Variants in NELL1 observed in about 807,000 individuals in gnomAD.
The protein encoded by NELL1 is protein kinase C-binding protein NELL1.
In NELL1, 76 loss-of-function variants were observed where a neutral mutation model predicts 107.4. The ratio of observed to expected loss-of-function variants is 0.71; its 90% CI spans 0.59 to 0.86. The LOEUF (loss-of-function observed/expected upper bound fraction) is 0.86. Among genes scored for constraint, NELL1 ranks in the 40% least tolerant of loss-of-function variants. The pLI, the probability that NELL1 is intolerant of heterozygous loss-of-function variation, is 0.00. For missense variants in NELL1, 1,024 were observed against 1,005.5 expected, an observed-to-expected ratio of 1.02 and a Z score of -0.25; for synonymous variants, 353 against 341.2, an observed-to-expected ratio of 1.03 and a Z score of -0.38.
intron 16 of NELL1, among the ~76,000 whole-genome samples, chr11:21,545,326 A>G (rs1174733428): frequency 6.6e-6 from 1 of 151,988 alleles, no homozygotes; most frequent in Admixed American, 6.6e-5. Flanking sequence ...TTGGGGATAA[A>G]AAAGGATTGT....
At chr11:20,921,234 G>T (rs550715445) in intron 7 of NELL1, among the ~76,000 whole-genome samples, 1 of 152,232 alleles carries the variant, frequency 6.6e-6, no homozygotes, top group South Asian at 2.1e-4. Context: ...TGGTCCACTG[G>T]CCTTAGTTTG....
intron 12 of NELL1, among the ~76,000 whole-genome samples, chr11:21,081,806 T>C (rs1040998446): frequency 2.0e-5 from 3 of 152,200 alleles, no homozygotes; most frequent in Non-Finnish European, 4.4e-5. Context: ...TCGTAAAAAG[T>C]ATAAATTAAA....
intron 14 of NELL1, among the ~76,000 whole-genome samples, chr11:21,321,843 T>C (rs1181979516): frequency 1.3e-5 from 2 of 152,226 alleles, no homozygotes; most frequent in Admixed American, 6.5e-5. Flanking sequence ...GTCAACAAAG[T>C]GGGCAGGGCT....
rs765222133 is a variant in NELL1, at chr11:20,960,445, T to C, written c.1185T>C (p.Cys395=). 36 of 1,613,840 alleles carry C rather than the reference T, an allele frequency of 2.2e-5. 1 individual carries two copies. In the South Asian group the frequency reaches 2.3e-4, roughly 10 times the overall value. Residue 395 remains cysteine, a synonymous_variant, in exon 12 of 20, where the codon TGT becomes TGC. Coordinates refer to ENST00000357134, the MANE Select transcript of NELL1 (RefSeq NM_006157.5). ...CCRVCRGHNF[C]AEGPKCGENS... ...TGTTTTTTCTAGGTCATAACTTTTG[T>C]GCAGAAGGACCTAAATGTGGTGAAA...
intron 14 of NELL1, among the ~76,000 whole-genome samples, chr11:21,241,495 T>C (rs1253795450): frequency 6.6e-6 from 1 of 152,182 alleles, no homozygotes; most frequent in African/African-American, 2.4e-5. Context: ...CGCCAAGTAC[T>C]GTTACTGGGT....
intron 2 of NELL1, among the ~76,000 whole-genome samples, chr11:20,695,907 C>CTT (rs59970595): frequency 2.6e-4 from 39 of 150,606 alleles, no homozygotes; most frequent in Admixed American, 1.0e-3. Flanking sequence ...CTGGCCTGGG[C>CTT]TTTTTTTTTG....
At chr11:20,818,360 G>A (rs1347263247) in intron 3 of NELL1, among the ~76,000 whole-genome samples, 1 of 146,948 alleles carries the variant, frequency 6.8e-6, no homozygotes, top group African/African-American at 2.5e-5. Flanking sequence ...TTTTAATGTG[G>A]TTGGTTTGAA....
intron 12 of NELL1, among the ~76,000 whole-genome samples, chr11:21,002,171 C>T (rs891981883): frequency 6.6e-6 from 1 of 152,150 alleles, no homozygotes; most frequent in Non-Finnish European, 1.5e-5. Flanking sequence ...AACTGCCTCT[C>T]CATATATTTC....
intron 6 of NELL1, among the ~76,000 whole-genome samples, chr11:20,918,801 A>G (rs566069409): frequency 6.6e-6 from 1 of 152,146 alleles, no homozygotes; most frequent in African/African-American, 2.4e-5. Flanking sequence ...CAGCCAACCC[A>G]TATCATTTAT....
chr11:20,985,169 A>G (rs1180826492), intron 12 of NELL1, among the ~76,000 whole-genome samples: 1 of 152,200 alleles, frequency 6.6e-6, no homozygotes, highest in Non-Finnish European at 1.5e-5. Context: ...TTTGAATAGT[A>G]GAAAATTCAT....
intron 12 of NELL1, among the ~76,000 whole-genome samples, chr11:21,023,461 C>T (rs1516770): frequency 0.34 from 52,114 of 151,834 alleles, 12,241 homozygotes; most frequent in African/African-American, 0.67. Flanking sequence ...CACTGGGTAG[C>T]GGCAATATGA....
intron 12 of NELL1, among the ~76,000 whole-genome samples, chr11:21,045,464 G>C (rs1565031084): frequency 6.6e-6 from 1 of 152,086 alleles, no homozygotes; most frequent in Non-Finnish European, 1.5e-5. Context: ...GTTTTATAGA[G>C]AAGAGTTTCA....
At chr11:21,181,544 C>T (rs943339282) in intron 13 of NELL1, among the ~76,000 whole-genome samples, 1 of 151,888 alleles carries the variant, frequency 6.6e-6, no homozygotes, top group African/African-American at 2.4e-5. Context: ...CTTTTCCTTA[C>T]ATCACTATTT....
intron 3 of NELL1, among the ~76,000 whole-genome samples, chr11:20,813,208 C>T (rs1857542792): frequency 6.6e-6 from 1 of 152,000 alleles, no homozygotes. Context: ...ACCATATTTT[C>T]TAAAGTCAGA....
intron 12 of NELL1, among the ~76,000 whole-genome samples, chr11:21,081,436 A>C (rs1486065392): frequency 1.3e-5 from 2 of 151,976 alleles, no homozygotes; most frequent in African/African-American, 4.8e-5. Context: ...TCTCCAGCCC[A>C]TATCTTTTCT....
chr11:20,837,554 C>T (rs1028585919), intron 3 of NELL1, among the ~76,000 whole-genome samples: 1 of 152,060 alleles, frequency 6.6e-6, no homozygotes, highest in African/African-American at 2.4e-5. Context: ...AAGGAACAAG[C>T]CTTCCTTGGA....
intron 5 of NELL1, among the ~76,000 whole-genome samples, chr11:20,914,661 G>C (rs569421624): frequency 2.6e-5 from 4 of 152,044 alleles, no homozygotes; most frequent in Non-Finnish European, 5.9e-5. Flanking sequence ...TGCCCTTGGC[G>C]GAGAGAAGGG....
intron 5 of NELL1, among the ~76,000 whole-genome samples, chr11:20,915,506 T>C (rs1443652923): frequency 6.8e-6 from 1 of 146,116 alleles, no homozygotes; most frequent in Non-Finnish European, 1.5e-5. Context: ...ATAAAGCATA[T>C]GTCTGAAAAA....
intron 2 of NELL1, among the ~76,000 whole-genome samples, chr11:20,699,431 G>A (rs953516681): frequency 6.6e-6 from 1 of 151,482 alleles, no homozygotes; most frequent in Non-Finnish European, 1.5e-5. Context: ...TGCGATCTCC[G>A]CTCACTGCAA....
Sources: allele counts gnomAD v4.1 joint callset (sites outside exome capture counted in the v4.1 genomes callset), GRCh38; gene constraint gnomAD v4.1.1; transcripts MANE v1.5; gene names NCBI Gene and HGNC (gene_info 2026-07-23, HGNC 2026-07-21).